The following CHCHD6 variants were observed in gnomAD, a reference collection of about 807,000 sequenced individuals.
CHCHD6 encodes the protein MICOS complex subunit MIC25.
A neutral mutation model predicts 32.3 loss-of-function variants in CHCHD6; 28 were observed. That is an observed-to-expected ratio of 0.87 (90% confidence interval 0.64 to 1.19). CHCHD6 has a LOEUF of 1.19. Ranked by LOEUF, CHCHD6 falls within the 50% of genes most tolerant of loss-of-function variation. The pLI, the probability that CHCHD6 is intolerant of heterozygous loss-of-function variation, is 0.00. For synonymous variants in CHCHD6, 122 were observed against 117.5 expected, an observed-to-expected ratio of 1.04 and a Z score of -0.25; for missense variants, 333 against 307.0, an observed-to-expected ratio of 1.08 and a Z score of -0.63.
At chr3:126,949,307 G>A in intron 6 of CHCHD6, 1 of 179,158 alleles carries the variant, frequency 5.6e-6, no homozygotes, top group Non-Finnish European at 1.2e-5. Flanking sequence ...GGACCCAGGA[G>A]GTTTGTGCAG....
chr3:126,767,489 C>T, intron 4 of CHCHD6: 1 of 579,618 alleles, frequency 1.7e-6, no homozygotes, highest in Non-Finnish European at 3.2e-6. Flanking sequence ...CTTTTCCTCC[C>T]ATGCCTGTTA....
chr3:126,892,410 T>A (rs1424037866), intron 5 of CHCHD6, among the ~76,000 whole-genome samples: 2 of 152,154 alleles, frequency 1.3e-5, no homozygotes, highest in African/African-American at 4.8e-5. Context: ...TTCCACAGCA[T>A]CCCCAATAAA....
chr3:126,906,862 C>T (rs1410729244), intron 5 of CHCHD6, among the ~76,000 whole-genome samples: 2 of 152,138 alleles, frequency 1.3e-5, no homozygotes, highest in Non-Finnish European at 2.9e-5. Flanking sequence ...TCTCCCTGGA[C>T]CAATGAAGAA....
At position 126,952,949 on chromosome 3, in the gene CHCHD6, C is replaced by T. The variant is rs544786228; in HGVS notation, c.567-4467C>T. 44 of 984,750 alleles carry T rather than the reference C, an allele frequency of 4.5e-5. No individual in the cohort carries two copies. In the African/African-American group the frequency reaches 6.1e-4, roughly 14 times the overall value. The allele number at this position is 984,750 out of a possible 1,614,324, so 61.0% of individuals were successfully genotyped here. Reference sequence around the variant, plus strand: ...CCATGTGCCTTGTCTGTGGCCATCACATTCTCAGGGCCATCAGGAGGCTGG... The same window carrying T: ...CCATGTGCCTTGTCTGTGGCCATCATATTCTCAGGGCCATCAGGAGGCTGG... On this transcript the variant is annotated intron_variant, in intron 6 of 7. Coordinates refer to ENST00000290913, the MANE Select transcript of CHCHD6 (RefSeq NM_032343.3).
At chr3:126,861,801 CTCCTCCACCATCACCACCTCCCCT>C (rs1343913958) in intron 5 of CHCHD6, among the ~76,000 whole-genome samples, 14 of 126,130 alleles carry the variant, frequency 1.1e-4, no homozygotes, top group Non-Finnish European at 1.5e-4. Context: ...CCACCTCCCC[CTCCTCCACCATCACCACCTCCCCT>C]TCCTCCACCA....
intron 4 of CHCHD6, among the ~76,000 whole-genome samples, chr3:126,755,569 T>G (rs1936920094): frequency 6.6e-6 from 1 of 152,210 alleles, no homozygotes; most frequent in South Asian, 2.1e-4. Flanking sequence ...AGCTCTCTTT[T>G]TGGCAGCCCG....
chr3:126,788,715 C>T (rs1338045656), intron 4 of CHCHD6, among the ~76,000 whole-genome samples: 1 of 151,634 alleles, frequency 6.6e-6, no homozygotes, highest in Non-Finnish European at 1.5e-5. Context: ...ATTCTTCTCT[C>T]TTCTTCATTA....
chr3:126,823,044 T>C (rs555387137), intron 4 of CHCHD6, among the ~76,000 whole-genome samples: 288 of 152,262 alleles, frequency 1.9e-3, no homozygotes, highest in African/African-American at 6.5e-3. Context: ...TAGCTGGGAC[T>C]ACAGGCACAC....
intron 4 of CHCHD6, among the ~76,000 whole-genome samples, chr3:126,826,302 G>T (rs765904446): frequency 6.6e-6 from 1 of 152,158 alleles, no homozygotes; most frequent in Non-Finnish European, 1.5e-5. Flanking sequence ...GAGTTCCTTG[G>T]TGAAAAGTTT....
chr3:126,745,902 C>A (rs1184407803), intron 4 of CHCHD6, among the ~76,000 whole-genome samples: 2 of 152,148 alleles, frequency 1.3e-5, no homozygotes, highest in African/African-American at 2.4e-5. Context: ...GGGTAGGGAA[C>A]CCTGGGTGCT....
intron 5 of CHCHD6, among the ~76,000 whole-genome samples, chr3:126,894,289 G>A (rs1401959758): frequency 6.6e-6 from 1 of 152,222 alleles, no homozygotes. Flanking sequence ...TTAGCCAGGA[G>A]CCCACGGTTC....
At chr3:126,844,114 T>G (rs1941201913) in intron 4 of CHCHD6, among the ~76,000 whole-genome samples, 1 of 152,360 alleles carries the variant, frequency 6.6e-6, no homozygotes, top group Non-Finnish European at 1.5e-5. Context: ...ATTTCATCCT[T>G]TTAAACTTAT....
intron 5 of CHCHD6, among the ~76,000 whole-genome samples, chr3:126,894,459 G>C (rs1220800294): frequency 6.6e-6 from 1 of 152,236 alleles, no homozygotes; most frequent in African/African-American, 2.4e-5. Flanking sequence ...AGGGAATGCA[G>C]GATGCTATTG....
intron 5 of CHCHD6, among the ~76,000 whole-genome samples, chr3:126,905,662 G>C (rs538848891): frequency 1.3e-5 from 2 of 152,250 alleles, no homozygotes; most frequent in African/African-American, 2.4e-5. Context: ...GCCAGGATGG[G>C]GGGTGTGTGA....
intron 6 of CHCHD6, among the ~76,000 whole-genome samples, chr3:126,918,744 G>T (rs1418432216): frequency 6.6e-6 from 1 of 152,198 alleles, no homozygotes. Context: ...GTGAGCATGA[G>T]CCAGACCATG....
intron 4 of CHCHD6, among the ~76,000 whole-genome samples, chr3:126,746,291 C>G (rs1171916905): frequency 6.6e-6 from 1 of 152,164 alleles, no homozygotes; most frequent in African/African-American, 2.4e-5. Flanking sequence ...GCCTGGGCAG[C>G]CTTGCTGGGA....
rs555879505 is a variant in CHCHD6 at position 126,783,617 on chromosome 3, A to G, written c.411+50395A>G. Among the ~76,000 whole-genome samples, 4 of 152,372 alleles carry G rather than the reference A, an allele frequency of 2.6e-5. No individual in the cohort carries two copies. The East Asian group carries it at 5.8e-4, about 22-fold the overall frequency. ...ATGCAATATCAACATAGAAATATCAATTGCATTTCTATATACTAATAATGA... is the reference window on the plus strand; with the variant it reads ...ATGCAATATCAACATAGAAATATCAGTTGCATTTCTATATACTAATAATGA... On this transcript the variant is annotated intron_variant, in intron 4 of 7. Transcript: ENST00000290913.
intron 5 of CHCHD6, among the ~76,000 whole-genome samples, chr3:126,913,398 T>A (rs2078124313): frequency 6.7e-6 from 1 of 150,210 alleles, no homozygotes; most frequent in Non-Finnish European, 1.5e-5. Context: ...CCCAGCTAAT[T>A]TTTTTTTTGT....
At chr3:126,880,583 A>G (rs888546976) in intron 5 of CHCHD6, among the ~76,000 whole-genome samples, 7 of 151,772 alleles carry the variant, frequency 4.6e-5, no homozygotes, top group African/African-American at 1.7e-4. Context: ...ATCTGAGAGG[A>G]TGATTCTGAG....
Sources: gnomAD v4.1 joint callset for allele counts (sites outside exome capture counted in the v4.1 genomes callset) on GRCh38, gnomAD v4.1.1 for gene constraint, MANE v1.5 for transcripts, NCBI Gene and HGNC (gene_info 2026-07-23, HGNC 2026-07-21) for gene names.